SVEP1: variants seen among roughly 807,000 people sequenced by gnomAD.
SVEP1 encodes sushi, von Willebrand factor type A, EGF and pentraxin domain containing 1.
Under a neutral mutation model 367.3 loss-of-function variants are expected in SVEP1, and 164 were observed. That is an observed-to-expected ratio of 0.45 (90% CI 0.39 to 0.51). The LOEUF is 0.51. Among genes scored for constraint, SVEP1 ranks in the 20% least tolerant of loss-of-function variants. SVEP1 has a pLI of 0.00. For synonymous variants in SVEP1, 1,666 were observed against 1,611.6 expected, an observed-to-expected ratio of 1.03 and a Z score of -0.81; for missense variants, 4,117 against 4,425.3, an observed-to-expected ratio of 0.93 and a Z score of 1.98.
chr9:110,558,277 G>C (rs970812908), intron 1 of SVEP1, among the ~76,000 whole-genome samples: 2 of 141,434 alleles, frequency 1.4e-5, no homozygotes, highest in Non-Finnish European at 3.0e-5. Flanking sequence ...CAGGCAGATT[G>C]ATTGAGCCCA....
intron 36 of SVEP1, among the ~76,000 whole-genome samples, chr9:110,423,532 C>A (rs1322896447): frequency 6.6e-6 from 1 of 152,052 alleles, no homozygotes; most frequent in African/African-American, 2.4e-5. Context: ...GAAGTTAATG[C>A]TTTCTAAAGT....
intron 5 of SVEP1, 172 bp downstream of exon 5, chr9:110,512,754 G>A (rs1302929167): frequency 2.6e-6 from 2 of 777,012 alleles, no homozygotes; most frequent in South Asian, 1.6e-5. Flanking sequence ...CAATTATGTG[G>A]TCAATTGAAC....
chr9:110,564,963 G>A (rs1037179608), intron 1 of SVEP1, among the ~76,000 whole-genome samples: 2 of 152,052 alleles, frequency 1.3e-5, no homozygotes, highest in Non-Finnish European at 2.9e-5. Context: ...AATAGGGGCA[G>A]TGTTCTTTAA....
intron 1 of SVEP1, among the ~76,000 whole-genome samples, chr9:110,553,312 G>C (rs1588105935): frequency 6.6e-6 from 1 of 152,166 alleles, no homozygotes; most frequent in African/African-American, 2.4e-5. Context: ...TTTTGAGTTT[G>C]CTTAGATGTG....
At chr9:110,395,911 T>A (rs894250140) in intron 40 of SVEP1, among the ~76,000 whole-genome samples, 3 of 151,654 alleles carry the variant, frequency 2.0e-5, no homozygotes, top group Non-Finnish European at 2.9e-5. Flanking sequence ...ATGGGAGACT[T>A]TAACACCCCA....
intron 18 of SVEP1, among the ~76,000 whole-genome samples, chr9:110,460,325 A>T (rs1177257054): frequency 2.6e-5 from 1 of 38,698 alleles, no homozygotes; most frequent in Admixed American, 2.7e-4. Context: ...ATATCTAAAG[A>T]TAAAAATAAA....
chr9:110,558,616 G>A (rs1339324799), intron 1 of SVEP1, among the ~76,000 whole-genome samples: 1 of 151,620 alleles, frequency 6.6e-6, no homozygotes, highest in Non-Finnish European at 1.5e-5. Flanking sequence ...CATAGAAAGA[G>A]AATAGGCTAA....
At position 110,432,474 on chromosome 9, in the gene SVEP1, G is replaced by C; in HGVS notation, c.5221C>G (p.Pro1741Ala). Reference sequence around the variant, plus strand: ...ACATTTATCTCACCAAGGCAGGATGGTGAAACGCCGTTCCAGCTCCCATTA... The same window carrying C: ...ACATTTATCTCACCAAGGCAGGATGCTGAAACGCCGTTCCAGCTCCCATTA... ...TDNGSWNGVS[P>A]SCLDVDECAV... Residue 1741 changes from proline (P) to alanine (A), a missense_variant, in exon 31 of 48, where the codon CCA (proline) becomes GCA (alanine). Physicochemically the swap from Pro to Ala is conservative, Grantham distance 27. Coordinates refer to ENST00000374469, the MANE Select transcript of SVEP1 (RefSeq NM_153366.4). The C allele has an allele frequency of 6.2e-7, 1 of 1,612,670 alleles. No homozygotes were observed. Among genetic ancestry groups the C allele is most frequent in the Non-Finnish European group, 8.5e-7 (1 of 1,179,440 alleles).
At chr9:110,476,397 ACGTCT>A in intron 13 of SVEP1, 82 bp from the exon 14 acceptor site, 1 of 1,027,798 alleles carries the variant, frequency 9.7e-7, no homozygotes, top group Non-Finnish European at 1.5e-6. Flanking sequence ...CCTGGCCTTC[ACGTCT>A]CCATCAGCAG....
intron 14 of SVEP1, among the ~76,000 whole-genome samples, chr9:110,473,462 A>G (rs1829051688): frequency 6.6e-6 from 1 of 152,182 alleles, no homozygotes; most frequent in African/African-American, 2.4e-5. Flanking sequence ...ACATACACAC[A>G]CACAAACCTG....
chr9:110,539,330 G>A (rs962846085), intron 3 of SVEP1, among the ~76,000 whole-genome samples: 1 of 152,098 alleles, frequency 6.6e-6, no homozygotes, highest in Non-Finnish European at 1.5e-5. Flanking sequence ...GAATTAGTTC[G>A]AGCTTTCAGC....
intron 47 of SVEP1, among the ~76,000 whole-genome samples, chr9:110,368,981 GT>G (rs1450502100): frequency 6.6e-6 from 1 of 151,744 alleles, no homozygotes; most frequent in African/African-American, 2.4e-5. Flanking sequence ...AAAAATAAAA[GT>G]TTTCAGTTAA....
intron 1 of SVEP1, among the ~76,000 whole-genome samples, chr9:110,555,176 G>C (rs1281960457): frequency 6.7e-6 from 1 of 148,834 alleles, no homozygotes; most frequent in Non-Finnish European, 1.5e-5. Flanking sequence ...CTGTAAGCAA[G>C]ACATTAAAAA....
In SVEP1 at chr9:110,410,314, C is replaced by T. The variant is rs147823681; in HGVS notation, c.6648+749G>A. On this transcript the variant is annotated intron_variant, in intron 37 of 47. Transcript: ENST00000374469. ...TTGGTAGGCTTATTGAGAAGACACA[C>T]ATTAGCGTGAAAGCAGGACATATTT... 9.3e-4 allele frequency among the ~76,000 whole-genome samples: 141 copies of T among 152,306 alleles called. 2 individuals carry two copies. The highest frequency in any genetic ancestry group is 3.2e-3 in the African/African-American group (134 of 41,564).
At chr9:110,573,102 T>C (rs997988416) in intron 1 of SVEP1, among the ~76,000 whole-genome samples, 3 of 152,126 alleles carry the variant, frequency 2.0e-5, no homozygotes, top group African/African-American at 7.2e-5. Context: ...AGTGAGCGAT[T>C]GTTGATGTTA....
At chr9:110,391,267 TTG>T (rs1214183911) in intron 40 of SVEP1, among the ~76,000 whole-genome samples, 2 of 119,038 alleles carry the variant, frequency 1.7e-5, no homozygotes, top group Non-Finnish European at 3.4e-5. Context: ...TCATTACTTT[TTG>T]TCTTTTTTTT....
intron 3 of SVEP1, among the ~76,000 whole-genome samples, chr9:110,525,902 G>A (rs1829934982): frequency 6.6e-6 from 1 of 152,070 alleles, no homozygotes; most frequent in African/African-American, 2.4e-5. Flanking sequence ...ACACCTGGCT[G>A]ATTTTTAACC....
chr9:110,570,647 A>C (rs1336510141), intron 1 of SVEP1, among the ~76,000 whole-genome samples: 81 of 151,994 alleles, frequency 5.3e-4, no homozygotes, highest in Non-Finnish European at 1.5e-5. Flanking sequence ...CTCCCATCTA[A>C]ATTTTGTAGT....
chr9:110,527,905 G>T (rs1829961175), intron 3 of SVEP1, among the ~76,000 whole-genome samples: 1 of 151,458 alleles, frequency 6.6e-6, no homozygotes, highest in South Asian at 2.1e-4. Context: ...CATACTGTAT[G>T]CTTTGGCATA....
Sources: gnomAD v4.1 joint callset for allele counts (sites outside exome capture counted in the v4.1 genomes callset) on GRCh38, gnomAD v4.1.1 for gene constraint, MANE v1.5 for transcripts, NCBI Gene and HGNC (gene_info 2026-07-23, HGNC 2026-07-21) for gene names.